The following PDE4B variants were observed in gnomAD, a reference collection of about 807,000 sequenced individuals.
PDE4B encodes the protein phosphodiesterase 4B.
In PDE4B, 20 loss-of-function variants were observed where a neutral mutation model predicts 82.2. That is an observed-to-expected ratio of 0.24 (90% CI 0.17 to 0.35). The LOEUF is 0.35. PDE4B is among the 10% of genes least tolerant of loss of function. The pLI, the probability that PDE4B is intolerant of heterozygous loss-of-function variation, is 1.00. For missense variants in PDE4B, 655 were observed against 907.2 expected, an observed-to-expected ratio of 0.72 and a Z score of 3.57; for synonymous variants, 320 against 318.9, an observed-to-expected ratio of 1.00 and a Z score of -0.04.
At chr1:66,223,872 A>G (rs1253037343) in intron 3 of PDE4B, among the ~76,000 whole-genome samples, 1 of 152,190 alleles carries the variant, frequency 6.6e-6, no homozygotes, top group East Asian at 1.9e-4. Context: ...CCTCGAATTC[A>G]CTGAATATTG....
intron 3 of PDE4B, among the ~76,000 whole-genome samples, chr1:66,180,158 G>A (rs559655109): frequency 2.0e-5 from 3 of 152,158 alleles, no homozygotes; most frequent in Admixed American, 1.3e-4. Flanking sequence ...ACATGTGAAC[G>A]AATACATGTA....
chr1:65,804,297 G>A (rs1645729149), intron 1 of PDE4B, among the ~76,000 whole-genome samples: 1 of 152,164 alleles, frequency 6.6e-6, no homozygotes, highest in Non-Finnish European at 1.5e-5. Flanking sequence ...ATTTGTTGAA[G>A]ATCAATGCTA....
At chr1:66,354,883 G>A in intron 8 of PDE4B, 1 of 1,535,540 alleles carries the variant, frequency 6.5e-7, no homozygotes, top group Non-Finnish European at 8.7e-7. Flanking sequence ...TGTATCTTGG[G>A]GTTACATCAA....
intron 7 of PDE4B, among the ~76,000 whole-genome samples, chr1:66,323,104 C>A (rs1659520206): frequency 6.6e-6 from 1 of 152,096 alleles, no homozygotes; most frequent in African/African-American, 2.4e-5. Flanking sequence ...CTGGGCCACT[C>A]CTTTGAAAGA....
intron 3 of PDE4B, among the ~76,000 whole-genome samples, chr1:65,932,859 C>T (rs1647914019): frequency 6.6e-6 from 1 of 152,000 alleles, no homozygotes; most frequent in African/African-American, 2.4e-5. Context: ...GATAAGCACA[C>T]TTGAAGACAA....
At chr1:65,977,710 TTG>T (rs1322847447) in intron 3 of PDE4B, among the ~76,000 whole-genome samples, 1 of 152,234 alleles carries the variant, frequency 6.6e-6, no homozygotes, top group African/African-American at 2.4e-5. Flanking sequence ...GAAACTCACT[TTG>T]TGTTATCCTA....
intron 3 of PDE4B, among the ~76,000 whole-genome samples, chr1:66,027,617 G>A (rs983464471): frequency 1.6e-4 from 24 of 152,124 alleles, no homozygotes; most frequent in African/African-American, 4.8e-5. Context: ...CCACCTATGA[G>A]CCTGTAAAAT....
intron 3 of PDE4B, among the ~76,000 whole-genome samples, chr1:66,087,996 T>C (rs1354359361): frequency 1.3e-5 from 2 of 151,820 alleles, no homozygotes; most frequent in Non-Finnish European, 2.9e-5. Flanking sequence ...TGTGCACATG[T>C]ACCCTAAAAC....
chr1:66,210,595 CAAAAAAAAAAAAA>C (rs35825766), intron 3 of PDE4B, among the ~76,000 whole-genome samples: 2 of 45,802 alleles, frequency 4.4e-5, no homozygotes, highest in African/African-American at 1.7e-4. Flanking sequence ...GACTCCATCT[CAAAAAAAAAAAAA>C]AAAAAAAAAA....
chr1:66,256,321 C>T (rs1157313376), intron 4 of PDE4B, among the ~76,000 whole-genome samples: 2 of 152,200 alleles, frequency 1.3e-5, no homozygotes, highest in Non-Finnish European at 2.9e-5. Flanking sequence ...GTTAACTGCT[C>T]TGTGGATCGA....
chr1:66,204,963 G>A lies in PDE4B; in HGVS notation c.282-42497G>A, dbSNP rs144739116. Among the ~76,000 whole-genome samples, 943 of 152,264 alleles carry A rather than the reference G, an allele frequency of 6.2e-3. 10 individuals are homozygous for A. Among genetic ancestry groups the A allele is most frequent in the African/African-American group, 0.021 (876 of 41,512 alleles). On this transcript the variant is annotated intron_variant, in intron 3 of 16. Coordinates refer to ENST00000341517, the MANE Select transcript of PDE4B (RefSeq NM_002600.4). ...CTCATGCTGGGAGCTGTAGACTGGA[G>A]CTATTCCTATTCGGCCATCTTGGCT... is the stretch of plus-strand genomic sequence containing the variant.
Position 65,796,867 on chromosome 1 carries a change from T to A in PDE4B, c.-71+3619T>A, listed in dbSNP as rs984455962. On this transcript the variant is annotated intron_variant, in intron 1 of 16. Transcript: ENST00000341517. ...GGTTTCACCATTTTGGCTAGGATGGTCCCGATCTCCTGACCTCATGATCTG... is the reference window on the plus strand; with the variant it reads ...GGTTTCACCATTTTGGCTAGGATGGACCCGATCTCCTGACCTCATGATCTG... Among the ~76,000 whole-genome samples the A allele has an allele frequency of 4.6e-5, 7 of 152,008 alleles. 1 individual carries two copies. The South Asian group carries it at 1.5e-3, about 32-fold the overall frequency.
chr1:66,364,813 C>T (rs1570783699), intron 12 of PDE4B, among the ~76,000 whole-genome samples: 1 of 152,098 alleles, frequency 6.6e-6, no homozygotes, highest in African/African-American at 2.4e-5. Context: ...CAGAAATTGA[C>T]AATGATGAGT....
At chr1:65,839,120 CTTAAG>C (rs67783436) in intron 1 of PDE4B, among the ~76,000 whole-genome samples, 16,933 of 151,986 alleles carry the variant, frequency 0.11, 1,048 homozygotes, top group Non-Finnish European at 0.14. Flanking sequence ...AAGCTATAAA[CTTAAG>C]TTATGAAATA....
chr1:66,228,583 C>G (rs973308107), intron 3 of PDE4B, among the ~76,000 whole-genome samples: 1 of 150,652 alleles, frequency 6.6e-6, no homozygotes, highest in Non-Finnish European at 1.5e-5. Flanking sequence ...GAGCTGAGAT[C>G]GCGCCACTGC....
At chr1:66,239,581 A>G (rs1652722180) in intron 3 of PDE4B, among the ~76,000 whole-genome samples, 1 of 152,220 alleles carries the variant, frequency 6.6e-6, no homozygotes. Context: ...AAAGGGATAG[A>G]CAGAGCATTT....
intron 3 of PDE4B, among the ~76,000 whole-genome samples, chr1:66,021,964 TG>T (rs1278462880): frequency 6.6e-6 from 1 of 152,252 alleles, no homozygotes; most frequent in East Asian, 1.9e-4. Context: ...TTTTTCCATT[TG>T]TTTCTGTCCT....
At chr1:66,242,794 A>T (rs1652988751) in intron 3 of PDE4B, among the ~76,000 whole-genome samples, 1 of 152,112 alleles carries the variant, frequency 6.6e-6, no homozygotes, top group African/African-American at 2.4e-5. Context: ...TCTCCCTCCA[A>T]AATTGCCAGC....
chr1:66,144,787 A>C (rs1205095269), intron 3 of PDE4B, among the ~76,000 whole-genome samples: 1 of 152,226 alleles, frequency 6.6e-6, no homozygotes, highest in African/African-American at 2.4e-5. Flanking sequence ...TTCACCAGTG[A>C]CTTTGAGTTA....
Sources: allele counts gnomAD v4.1 joint callset (sites outside exome capture counted in the v4.1 genomes callset), GRCh38; gene constraint gnomAD v4.1.1; transcripts MANE v1.5; gene names NCBI Gene and HGNC (gene_info 2026-07-23, HGNC 2026-07-21).